HECW2: variants seen among roughly 807,000 people sequenced by gnomAD.
The protein encoded by HECW2 is E3 ubiquitin-protein ligase HECW2.
Under a neutral mutation model 175.2 loss-of-function variants are expected in HECW2, and 61 were observed. The observed-to-expected ratio is 0.35, with a 90% confidence interval of 0.28 to 0.43. HECW2 has a LOEUF of 0.43. Among genes scored for constraint, HECW2 ranks in the 20% least tolerant of loss-of-function variants. The pLI, the probability that HECW2 is intolerant of heterozygous loss-of-function variation, is 1.00. For missense variants in HECW2, 1,524 were observed against 2,000.5 expected (o/e 0.76, Z 4.54); for synonymous variants, 671 against 731.0 (o/e 0.92, Z 1.32).
At chr2:196,320,048 C>G (rs1691882175) in intron 8 of HECW2, 144 bp from the exon 9 acceptor site, 1 of 821,172 alleles carries the variant, frequency 1.2e-6, no homozygotes, top group African/African-American at 1.7e-5. Flanking sequence ...TCACCACTCA[C>G]TACTAAATGA....
At chr2:196,532,200 T>G (rs1258912358) in intron 1 of HECW2, among the ~76,000 whole-genome samples, 1 of 152,208 alleles carries the variant, frequency 6.6e-6, no homozygotes, top group East Asian at 1.9e-4. Flanking sequence ...GCAGCACTGT[T>G]CACAATAGCA....
At chr2:196,275,349 G>A (rs574773553) in intron 15 of HECW2, among the ~76,000 whole-genome samples, 3 of 152,204 alleles carry the variant, frequency 2.0e-5, no homozygotes, top group South Asian at 4.1e-4. Flanking sequence ...TTATCTAAAG[G>A]TATATTTTTC....
At chr2:196,494,593 C>T (rs1160278490) in intron 1 of HECW2, among the ~76,000 whole-genome samples, 1 of 152,118 alleles carries the variant, frequency 6.6e-6, no homozygotes, top group Non-Finnish European at 1.5e-5. Flanking sequence ...AAAAACAGAG[C>T]ACATAGGGAA....
At chr2:196,509,370 T>A (rs535050010) in intron 1 of HECW2, among the ~76,000 whole-genome samples, 1 of 152,196 alleles carries the variant, frequency 6.6e-6, no homozygotes, top group African/African-American at 2.4e-5. Context: ...TAAAGAAGCT[T>A]CATTATGTAA....
At chr2:196,541,504 C>A (rs919644322) in intron 1 of HECW2, among the ~76,000 whole-genome samples, 2 of 152,058 alleles carry the variant, frequency 1.3e-5, no homozygotes, top group Admixed American at 1.3e-4. Flanking sequence ...TTCCCAAGAG[C>A]CTTTAAGTCC....
At chr2:196,363,030 T>C (rs1385064927) in intron 2 of HECW2, among the ~76,000 whole-genome samples, 2 of 152,080 alleles carry the variant, frequency 1.3e-5, no homozygotes, top group East Asian at 3.9e-4. Flanking sequence ...CCAGACACAG[T>C]TTGCCCTGAA....
intron 1 of HECW2, among the ~76,000 whole-genome samples, chr2:196,454,014 T>C (rs1482842103): frequency 2.0e-5 from 3 of 152,106 alleles, no homozygotes; most frequent in African/African-American, 7.2e-5. Context: ...TTTGTTTGTT[T>C]GTTTGTTTGT....
intron 2 of HECW2, among the ~76,000 whole-genome samples, chr2:196,351,593 C>G (rs1014723611): frequency 6.6e-6 from 1 of 152,158 alleles, no homozygotes; most frequent in African/African-American, 2.4e-5. Flanking sequence ...TGCCATGTGA[C>G]CGATTGTGCC....
At chr2:196,436,136 C>T (rs1193684959) in intron 1 of HECW2, among the ~76,000 whole-genome samples, 1 of 152,184 alleles carries the variant, frequency 6.6e-6, no homozygotes, top group African/African-American at 2.4e-5. Context: ...CCTGGTGGCA[C>T]GCGCCTGTAA....
chr2:196,406,796 G>A (rs1694977221), intron 2 of HECW2, among the ~76,000 whole-genome samples: 1 of 152,166 alleles, frequency 6.6e-6, no homozygotes. Flanking sequence ...TCTGATGTTG[G>A]CAATGCTTGT....
chr2:196,236,806 T>C (rs1457943858), intron 21 of HECW2, among the ~76,000 whole-genome samples: 1 of 152,218 alleles, frequency 6.6e-6, no homozygotes, highest in African/African-American at 2.4e-5. Context: ...CGAGGGTACA[T>C]ATTATCAACA....
intron 1 of HECW2, among the ~76,000 whole-genome samples, chr2:196,547,991 G>A (rs1180047763): frequency 6.8e-6 from 1 of 147,600 alleles, no homozygotes; most frequent in East Asian, 1.9e-4. Context: ...TAGCCTGGAT[G>A]ATTTTAATCC....
At chr2:196,257,626 A>G (rs1172283899) in intron 18 of HECW2, 197 bp downstream of exon 18, 2 of 574,154 alleles carry the variant, frequency 3.5e-6, no homozygotes, top group Non-Finnish European at 6.2e-6. Context: ...AAAATTAAAC[A>G]GATCTCAGTG....
chr2:196,310,886 A>G (rs1691472894), intron 10 of HECW2, among the ~76,000 whole-genome samples: 1 of 152,102 alleles, frequency 6.6e-6, no homozygotes, highest in Non-Finnish European at 1.5e-5. Context: ...ACCCCTATGA[A>G]TCACAGTTTT....
intron 7 of HECW2, among the ~76,000 whole-genome samples, chr2:196,321,035 G>C (rs1383915597): frequency 2.0e-5 from 3 of 152,240 alleles, no homozygotes; most frequent in Admixed American, 1.3e-4. Context: ...TGTGTGATGG[G>C]GAGAGGACCG....
chr2:196,416,522 A>G (rs573890718), intron 2 of HECW2, among the ~76,000 whole-genome samples: 3 of 152,312 alleles, frequency 2.0e-5, no homozygotes, highest in Admixed American at 2.0e-4. Flanking sequence ...ATCATATTCT[A>G]CTGAATCTTG....
At chr2:196,548,212 C>A (rs1333508581) in intron 1 of HECW2, among the ~76,000 whole-genome samples, 2 of 151,712 alleles carry the variant, frequency 1.3e-5, no homozygotes, top group Non-Finnish European at 1.5e-5. Context: ...TGCCTGTAAT[C>A]CCAGCTACTC....
chr2:196,257,435 G>A (rs77481376), intron 18 of HECW2, among the ~76,000 whole-genome samples: 272 of 152,176 alleles, frequency 1.8e-3, no homozygotes, highest in African/African-American at 5.8e-3. Context: ...AGCAAAAGGG[G>A]ACAAAACATA....
intron 17 of HECW2, among the ~76,000 whole-genome samples, chr2:196,270,473 G>T (rs1240539285): frequency 1.3e-5 from 2 of 152,042 alleles, no homozygotes; most frequent in African/African-American, 4.8e-5. Flanking sequence ...CCCTACTTAG[G>T]TTCTAATCTG....
Sources: allele counts gnomAD v4.1 joint callset (sites outside exome capture counted in the v4.1 genomes callset), GRCh38; gene constraint gnomAD v4.1.1; transcripts MANE v1.5; gene names NCBI Gene and HGNC (gene_info 2026-07-23, HGNC 2026-07-21).